The following RASSF8 variants were observed in gnomAD, a reference collection of about 807,000 sequenced individuals.
RASSF8 encodes Ras association domain family member 8.
RASSF8 carries 22 observed loss-of-function variants against 48.5 expected under a neutral mutation model. The ratio of observed to expected loss-of-function variants is 0.45; its 90% CI spans 0.32 to 0.65. RASSF8 has a LOEUF of 0.65. Ranked by LOEUF, RASSF8 falls within the 30% of genes least tolerant of loss-of-function variation. The probability of loss-of-function intolerance (pLI) is 0.03; values close to 1 mark genes in which losing one functional copy is unlikely to be tolerated. For synonymous variants in RASSF8, 127 were observed against 171.5 expected (o/e 0.74, Z 2.03); for missense variants, 418 against 489.2 (o/e 0.85, Z 1.37).
intron 1 of RASSF8, among the ~76,000 whole-genome samples, chr12:25,989,650 T>C (rs1941968267): frequency 6.6e-6 from 1 of 152,018 alleles, no homozygotes; most frequent in Non-Finnish European, 1.5e-5. Flanking sequence ...ATCATATCTC[T>C]TTCTTGTCTT....
intron 2 of RASSF8, among the ~76,000 whole-genome samples, chr12:26,002,418 G>A (rs530029236): frequency 2.0e-5 from 3 of 151,894 alleles, no homozygotes; most frequent in Admixed American, 1.3e-4. Context: ...GGGTGAAAGA[G>A]CAAAACTCCA....
At chr12:26,011,882 C>A (rs1942534118) in intron 2 of RASSF8, 1 of 152,104 alleles carries the variant, frequency 6.6e-6, no homozygotes, top group East Asian at 1.9e-4. Flanking sequence ...TTATATTAGC[C>A]CAAATGGACT....
chr12:25,975,296 G>A (rs985044860), intron 1 of RASSF8, among the ~76,000 whole-genome samples: 4 of 152,212 alleles, frequency 2.6e-5, no homozygotes, highest in Non-Finnish European at 5.9e-5. Context: ...GGCTGGGGGA[G>A]TGGCTGGAGC....
intron 2 of RASSF8, among the ~76,000 whole-genome samples, chr12:26,037,062 T>C (rs1943168418): frequency 6.6e-6 from 1 of 152,220 alleles, no homozygotes; most frequent in Non-Finnish European, 1.5e-5. Context: ...GCCTAATAAT[T>C]TGTTTGAAAT....
At chr12:25,959,598 G>C (rs2136802423) in intron 1 of RASSF8, 1 of 152,302 alleles carries the variant, frequency 6.6e-6, no homozygotes, top group Middle Eastern at 3.4e-3. Flanking sequence ...AATTTCATTT[G>C]AACTATTAAC....
At chr12:25,963,916 C>T (rs1211623408) in intron 1 of RASSF8, among the ~76,000 whole-genome samples, 3 of 152,350 alleles carry the variant, frequency 2.0e-5, no homozygotes, top group South Asian at 2.1e-4. Context: ...CATTTCCCCA[C>T]TCCTGATTTT....
At chr12:26,026,793 G>A (rs1303677714) in intron 2 of RASSF8, among the ~76,000 whole-genome samples, 2 of 152,184 alleles carry the variant, frequency 1.3e-5, no homozygotes, top group East Asian at 3.8e-4. Flanking sequence ...TACACTGTTG[G>A]TGGGAATGTA....
chr12:26,024,625 A>AT (rs1193384306), intron 2 of RASSF8, among the ~76,000 whole-genome samples: 1 of 152,172 alleles, frequency 6.6e-6, no homozygotes, highest in Non-Finnish European at 1.5e-5. Flanking sequence ...ACCAAGTGAG[A>AT]TTTTTCCTAG....
At chr12:25,975,809 G>A (rs1180081368) in intron 1 of RASSF8, among the ~76,000 whole-genome samples, 1 of 152,166 alleles carries the variant, frequency 6.6e-6, no homozygotes, top group East Asian at 1.9e-4. Context: ...TGGGGACAGT[G>A]GCATAAAGGT....
intron 1 of RASSF8, among the ~76,000 whole-genome samples, chr12:25,981,443 G>T (rs1388958888): frequency 6.6e-6 from 1 of 152,152 alleles, no homozygotes; most frequent in Non-Finnish European, 1.5e-5. Context: ...AGGTTGTGCA[G>T]TTGGGGGTTC....
downstream of RASSF8, among the ~76,000 whole-genome samples, chr12:26,076,772 A>G (rs545939823): frequency 6.6e-6 from 1 of 152,230 alleles, no homozygotes; most frequent in Non-Finnish European, 1.5e-5. Flanking sequence ...TCCTTTGGGT[A>G]TATACCCAGT....
At chr12:26,068,368 C>G (rs1943926823) in intron 5 of RASSF8, among the ~76,000 whole-genome samples, 1 of 151,930 alleles carries the variant, frequency 6.6e-6, no homozygotes, top group African/African-American at 2.4e-5. Flanking sequence ...CCTTTTCCTT[C>G]TTTTTCTTCT....
rs78688926 is a variant in RASSF8, at chr12:26,071,198, G to T, written c.*2380G>T. The T allele has an allele frequency of 2.0e-6, 2 of 979,318 alleles. No individual in the cohort carries two copies. The highest frequency in any genetic ancestry group is 2.4e-6 in the Non-Finnish European group (2 of 824,702). 60.7% of individuals were successfully genotyped at this position (979,318 alleles called of 1,614,324 possible). On this transcript the variant is annotated 3_prime_UTR_variant, in exon 6 of 6. Transcript: ENST00000689635. ...CTAAGACTCAGAGGGAAAAAAACTCGTTTTCATAGGATCATCTGAAGATAC... is the reference window on the plus strand; with the variant it reads ...CTAAGACTCAGAGGGAAAAAAACTCTTTTTCATAGGATCATCTGAAGATAC...
intron 2 of RASSF8, among the ~76,000 whole-genome samples, chr12:26,011,536 GT>G (rs1278659878): frequency 6.6e-6 from 1 of 152,148 alleles, no homozygotes; most frequent in African/African-American, 2.4e-5. Context: ...TGGTTTGAAT[GT>G]TTGTGTATCT....
At chr12:26,037,243 A>G (rs972348601) in intron 2 of RASSF8, among the ~76,000 whole-genome samples, 2 of 152,218 alleles carry the variant, frequency 1.3e-5, no homozygotes, top group Non-Finnish European at 2.9e-5. Context: ...GAGTCCTGAA[A>G]GCTGACCTTC....
At chr12:25,963,946 AAG>A (rs1235410648) in intron 1 of RASSF8, among the ~76,000 whole-genome samples, 3 of 152,170 alleles carry the variant, frequency 2.0e-5, no homozygotes, top group South Asian at 2.1e-4. Context: ...AAGGCATGAG[AAG>A]AGAGAGATGC....
chr12:25,981,723 A>C (rs1239061222), intron 1 of RASSF8, among the ~76,000 whole-genome samples: 2 of 152,192 alleles, frequency 1.3e-5, no homozygotes, highest in Non-Finnish European at 2.9e-5. Flanking sequence ...TTAATCACCA[A>C]AGCAAAGGCT....
At chr12:26,066,892 G>C (rs1344470381) in intron 4 of RASSF8, among the ~76,000 whole-genome samples, 1 of 152,200 alleles carries the variant, frequency 6.6e-6, no homozygotes, top group Non-Finnish European at 1.5e-5. Flanking sequence ...TGCTTTTACA[G>C]CTTTCCAGCT....
At position 25,992,857 on chromosome 12, in the gene RASSF8, G is replaced by A. The variant is rs555324160; in HGVS notation, c.-202-2180G>A. ...TGCCAGAGCTCATGTTTGTATTTATGGTTAGGAACATTTTGTCACTGCAGT... is the reference window on the plus strand; with the variant it reads ...TGCCAGAGCTCATGTTTGTATTTATAGTTAGGAACATTTTGTCACTGCAGT... On this transcript the variant is annotated intron_variant, in intron 1 of 5. Coordinates refer to ENST00000689635, the MANE Select transcript of RASSF8 (RefSeq NM_001394098.1). Among the ~76,000 whole-genome samples, 6 of 152,294 alleles carry A rather than the reference G, an allele frequency of 3.9e-5. No homozygotes were observed. The South Asian group carries it at 1.0e-3, about 26-fold the overall frequency.
Sources: gnomAD v4.1 joint callset for allele counts (sites outside exome capture counted in the v4.1 genomes callset) on GRCh38, gnomAD v4.1.1 for gene constraint, MANE v1.5 for transcripts, NCBI Gene and HGNC (gene_info 2026-07-23, HGNC 2026-07-21) for gene names.